POU2AF2: variants seen among roughly 807,000 people sequenced by gnomAD.
The protein encoded by POU2AF2 is POU domain class 2-associating factor 2.
chr11:111,271,337 AAG>A, the POU2AF2 span, among the ~76,000 whole-genome samples: 1 of 152,072 alleles, frequency 6.6e-6, no homozygotes, highest in South Asian at 2.1e-4. Context: ...AAAAAAAAGA[AAG>A]AGAGTTCTGA....
the POU2AF2 span, among the ~76,000 whole-genome samples, chr11:111,278,718 C>T: frequency 6.6e-6 from 1 of 152,198 alleles, no homozygotes; most frequent in Non-Finnish European, 1.5e-5. Flanking sequence ...TTATTTAAGC[C>T]ATGCAGTCTA....
the POU2AF2 span, chr11:111,281,347 A>T: frequency 6.8e-7 from 1 of 1,480,524 alleles, no homozygotes; most frequent in Non-Finnish European, 9.4e-7. Context: ...AATTTTTATT[A>T]AATTCAAACT....
chr11:111,284,105 G>A, the POU2AF2 span: 1 of 1,614,196 alleles, frequency 6.2e-7, no homozygotes, highest in East Asian at 2.2e-5. Context: ...TTACTACGGT[G>A]TCAGAAGATC....
the POU2AF2 span, among the ~76,000 whole-genome samples, chr11:111,264,266 T>C: frequency 1.3e-5 from 2 of 151,700 alleles, no homozygotes; most frequent in Non-Finnish European, 2.9e-5. Flanking sequence ...GAGGCCGAGG[T>C]GGGCAGATCT....
the POU2AF2 span, among the ~76,000 whole-genome samples, chr11:111,250,093 A>G: frequency 6.6e-6 from 1 of 152,126 alleles, no homozygotes; most frequent in African/African-American, 2.4e-5. Flanking sequence ...CAACATATTA[A>G]AAACTGCATT....
chr11:111,251,729 C>G, the POU2AF2 span, among the ~76,000 whole-genome samples: 4 of 152,212 alleles, frequency 2.6e-5, no homozygotes, highest in Admixed American at 2.0e-4. Flanking sequence ...TCTTCCCCCT[C>G]CCCTGCTCTT....
chr11:111,267,216 G>T, the POU2AF2 span, among the ~76,000 whole-genome samples: 2 of 152,108 alleles, frequency 1.3e-5, no homozygotes, highest in African/African-American at 4.8e-5. Flanking sequence ...CCCAGAACCT[G>T]CTTTCTGTCC....
chr11:111,279,363 G>A, the POU2AF2 span, among the ~76,000 whole-genome samples: 1 of 152,164 alleles, frequency 6.6e-6, no homozygotes, highest in African/African-American at 2.4e-5. Context: ...CCACAAATGG[G>A]ATGACTTACA....
chr11:111,279,642 G>C, the POU2AF2 span, among the ~76,000 whole-genome samples: 1 of 152,188 alleles, frequency 6.6e-6, no homozygotes, highest in Non-Finnish European at 1.5e-5. Flanking sequence ...TCAGTCACAT[G>C]AGATTTAGGA....
At chr11:111,263,624 G>C in the POU2AF2 span, among the ~76,000 whole-genome samples, 1 of 151,902 alleles carries the variant, frequency 6.6e-6, no homozygotes, top group African/African-American at 2.4e-5. Context: ...GTAGAGACAG[G>C]GTTTCACCAT....
the POU2AF2 span, chr11:111,284,094 G>T: frequency 1.4e-5 from 23 of 1,614,050 alleles, no homozygotes; most frequent in Non-Finnish European, 1.9e-5. Flanking sequence ...GTCACGTCAG[G>T]TTACTACGGT....
the POU2AF2 span, among the ~76,000 whole-genome samples, chr11:111,271,024 C>G: frequency 2.0e-5 from 3 of 152,196 alleles, no homozygotes; most frequent in Non-Finnish European, 4.4e-5. Context: ...CATGTCTACA[C>G]TGCTAAGAAA....
the POU2AF2 span, among the ~76,000 whole-genome samples, chr11:111,276,472 A>ATATATATATATATATATATC: frequency 7.8e-6 from 1 of 127,476 alleles, no homozygotes; most frequent in Non-Finnish European, 1.6e-5. Context: ...ATATATATAT[A>ATATATATATATATATATATC]TATATATATA....
At chr11:111,283,982 T>G in the POU2AF2 span, 5 of 1,155,450 alleles carry the variant, frequency 4.3e-6, no homozygotes, top group Non-Finnish European at 6.3e-6. Flanking sequence ...CACGCGTTAG[T>G]AACATCGTTT....
the POU2AF2 span, among the ~76,000 whole-genome samples, chr11:111,246,108 G>C: frequency 6.6e-6 from 1 of 152,098 alleles, no homozygotes; most frequent in African/African-American, 2.4e-5. Context: ...AGTTTACAGA[G>C]ATATTCTGAA....
At chr11:111,282,842 T>A in the POU2AF2 span, among the ~76,000 whole-genome samples, 1 of 152,186 alleles carries the variant, frequency 6.6e-6, no homozygotes, top group Non-Finnish European at 1.5e-5. Flanking sequence ...CAAGGCCAGC[T>A]GGAACAATTA....
At chr11:111,253,033 C>T in the POU2AF2 span, among the ~76,000 whole-genome samples, 1 of 152,176 alleles carries the variant, frequency 6.6e-6, no homozygotes, top group South Asian at 2.1e-4. Context: ...TCTGTTGCCT[C>T]TGATTTTTTT....
At chr11:111,276,452 AAATATATATATATAT>A in the POU2AF2 span, among the ~76,000 whole-genome samples, 433 of 35,620 alleles carry the variant, frequency 0.012, 26 homozygotes, top group African/African-American at 0.012. Flanking sequence ...AAAAAAAAAA[AAATATATATATATAT>A]ATATATATAT....
At chr11:111,248,155 G>A in the POU2AF2 span, among the ~76,000 whole-genome samples, 9 of 152,022 alleles carry the variant, frequency 5.9e-5, no homozygotes, top group African/African-American at 2.2e-4. Context: ...TATTCTCCTG[G>A]AGGTTTTCCA....
Sources: gnomAD v4.1 joint callset for allele counts (sites outside exome capture counted in the v4.1 genomes callset) on GRCh38, gnomAD v4.1.1 for gene constraint, MANE v1.5 for transcripts, NCBI Gene and HGNC (gene_info 2026-07-23, HGNC 2026-07-21) for gene names.